TRAF4: variants seen among roughly 807,000 people sequenced by gnomAD.
TRAF4 encodes TNF receptor-associated factor 4.
A neutral mutation model predicts 47.3 loss-of-function variants in TRAF4; 9 were observed. That is an observed-to-expected ratio of 0.19 (90% confidence interval 0.11 to 0.33). TRAF4 has a LOEUF of 0.33. TRAF4 is among the 10% of genes least tolerant of loss of function. The pLI is 1.00. For missense variants in TRAF4, 448 were observed against 620.3 expected (o/e 0.72, Z 2.95); for synonymous variants, 236 against 236.9 (o/e 1.00, Z 0.04).
rs1403539854 is a variant in TRAF4 at position 28,750,445 on chromosome 17, G to A, written c.*868G>A. ...ACTTTACGTGCATTATTATTTCATTGAAAAGAACTGTCAAGTGAAATACTT... is the reference window on the plus strand; with the variant it reads ...ACTTTACGTGCATTATTATTTCATTAAAAAGAACTGTCAAGTGAAATACTT... On this transcript the variant is annotated 3_prime_UTR_variant, in exon 7 of 7. Transcript: ENST00000262395. The A allele has an allele frequency of 6.5e-6, 1 of 152,820 alleles. No homozygotes were observed. Among genetic ancestry groups the A allele is most frequent in the Non-Finnish European group, 1.5e-5 (1 of 68,486 alleles). The allele number at this position is 152,820 out of a possible 1,614,324, so 9.5% of individuals were successfully genotyped here.
intron 6 of TRAF4, 126 bp from the exon 7 acceptor site, chr17:28,748,819 C>T (rs1005148723): frequency 4.1e-6 from 6 of 1,479,664 alleles, no homozygotes; most frequent in African/African-American, 1.4e-5. Context: ...CTCTTCCTAA[C>T]ACCCTCTGTC....
In TRAF4 at chr17:28,750,109, G is replaced by A. The variant is rs1430228993; in HGVS notation, c.*532G>A. ...GCTTCCAGCCTGACTTACCTGGGTT[G>A]GTTAGGTCCCTGGGAGGCTCAACCA... On this transcript the variant is annotated 3_prime_UTR_variant, in exon 7 of 7. Transcript: ENST00000262395. The A allele has an allele frequency of 3.6e-6, 2 of 552,250 alleles. No individual in the cohort carries two copies. The highest frequency in any genetic ancestry group is 2.3e-5 in the South Asian group (1 of 43,092). 34.2% of individuals were successfully genotyped at this position (552,250 alleles called of 1,614,324 possible). A position where few individuals can be genotyped will look rare whatever the true frequency, so the allele number is the denominator to read the frequency against.
Position 28,750,271 on chromosome 17 carries a change from G to C in TRAF4, c.*694G>C, listed in dbSNP as rs1386075540. ...GGGCTTTGTGTGGAAGACGGTCCCT[G>C]CCACTGCCCTCTGCCGATGAAATGC... On this transcript the variant is annotated 3_prime_UTR_variant, in exon 7 of 7. Coordinates refer to ENST00000262395, the MANE Select transcript of TRAF4 (RefSeq NM_004295.4). 1 of 255,888 alleles carries C rather than the reference G, an allele frequency of 3.9e-6. No individual in the cohort carries two copies. The highest frequency in any genetic ancestry group is 7.6e-6 in the Non-Finnish European group (1 of 132,444). 15.9% of individuals were successfully genotyped at this position (255,888 alleles called of 1,614,324 possible). A position where few individuals can be genotyped will look rare whatever the true frequency, so the allele number is the denominator to read the frequency against.
At position 28,749,160 on chromosome 17, in the gene TRAF4, C is replaced by T. The variant is rs556427807; in HGVS notation, c.996C>T (p.Cys332=). ...CCAAGGCCAAGCCCAACCTTGAGTG[C>T]TTCAGCCCAGCCTTCTACACACATA... ...QEAKAKPNLE[C]FSPAFYTHKY... is the part of the protein sequence containing the mutation. The change falls in exon 7 of 7, where the codon TGC becomes TGT. Residue 332 remains cysteine, a synonymous_variant. Transcript: ENST00000262395. 11 of 1,614,110 alleles carry T rather than the reference C, an allele frequency of 6.8e-6. No individual in the cohort carries two copies. The African/African-American group carries it at 1.3e-4, about 20-fold the overall frequency.
rs1200293126 is a variant in TRAF4 at position 28,750,778 on chromosome 17, C to T, written c.*1201C>T. 1 of 152,198 alleles carries T rather than the reference C, an allele frequency of 6.6e-6. No homozygotes were observed. The highest frequency in any genetic ancestry group is 1.5e-5 in the Non-Finnish European group (1 of 68,046). 9.4% of individuals were successfully genotyped at this position (152,198 alleles called of 1,614,324 possible). ...CGCGGGTTCGGACAGGGCCTCGATT[C>T]TGTTTTAAACTCCAGTAGTCCCTAG... is the stretch of plus-strand genomic sequence containing the variant. On this transcript the variant is annotated 3_prime_UTR_variant, in exon 7 of 7. Transcript: ENST00000262395.
chr17:28,747,629 T>C (rs1010988268), intron 2 of TRAF4: 3 of 598,338 alleles, frequency 5.0e-6, no homozygotes, highest in African/African-American at 3.7e-5. Flanking sequence ...TGGCTGCCTC[T>C]TCAAAGGAAG....
At position 28,749,860 on chromosome 17, in the gene TRAF4, C is replaced by G; in HGVS notation, c.*283C>G. ...CAGACATGCCTTGGTGCCGGTCACA[C>G]TCTACACGGACTGAGGTGCCTGCTC... On this transcript the variant is annotated 3_prime_UTR_variant, in exon 7 of 7. Coordinates refer to ENST00000262395, the MANE Select transcript of TRAF4 (RefSeq NM_004295.4). 1.4e-6 allele frequency: 1 copy of G among 705,038 alleles called. No homozygotes were observed. Among genetic ancestry groups the G allele is most frequent in the South Asian group, 1.5e-5 (1 of 67,616 alleles). 43.7% of individuals were successfully genotyped at this position (705,038 alleles called of 1,614,324 possible).
At position 28,749,208 on chromosome 17, in the gene TRAF4, G is replaced by A. The variant is rs1365634701; in HGVS notation, c.1044G>A (p.Val348=). 6.2e-7 allele frequency: 1 copy of A among 1,613,980 alleles called. No homozygotes were observed. The highest frequency in any genetic ancestry group is 1.3e-5 in the African/African-American group (1 of 74,950). Residue 348 remains valine, a synonymous_variant, in exon 7 of 7, where the codon GTG becomes GTA. Coordinates refer to ENST00000262395, the MANE Select transcript of TRAF4 (RefSeq NM_004295.4). The part of the protein sequence containing the change: ...YTHKYGYKLQ[V]SAFLNGNGSG... ...ATAAGTATGGTTACAAGCTGCAGGT[G>A]TCTGCATTCCTCAATGGCAATGGCA...
In TRAF4 at chr17:28,748,548, G is replaced by A. The variant is rs1265380674; in HGVS notation, c.662G>A (p.Cys221Tyr). The A allele has an allele frequency of 6.2e-7, 1 of 1,613,386 alleles. No homozygotes were observed. The highest frequency in any genetic ancestry group is 8.5e-7 in the Non-Finnish European group (1 of 1,179,970). ...QYQCPRLPVACPNQCGVGTVA... is the reference protein window; with the variant it reads ...QYQCPRLPVAYPNQCGVGTVA... ...CAGTGCCCAAGGCTGCCTGTTGCCT[G>A]CCCCAACCAATGTGGTGTGGGCACT... Residue 221 changes from cysteine (C) to tyrosine (Y), a missense_variant, in exon 6 of 7, where the codon TGC becomes TAC. Cys to Tyr is a radical substitution (Grantham distance 194, BLOSUM62 -2). Transcript: ENST00000262395.
Position 28,750,007 on chromosome 17 carries a change from T to TTTA in TRAF4, c.*433_*435dup. 1.6e-6 allele frequency: 1 copy of TTTA among 621,738 alleles called. No homozygotes were observed. The highest frequency in any genetic ancestry group is 1.8e-5 in the South Asian group (1 of 55,822). The allele number at this position is 621,738 out of a possible 1,614,324, so 38.5% of individuals were successfully genotyped here. ...TACCTAGCTGTGCCCCCTCTGGTTA[T>TTTA]TTATTTCCTTAGTGCCAGGAGGGCA... On this transcript the variant is annotated 3_prime_UTR_variant, in exon 7 of 7. Coordinates refer to ENST00000262395, the MANE Select transcript of TRAF4 (RefSeq NM_004295.4).
chr17:28,746,447 A>C (rs2034514274), intron 1 of TRAF4, among the ~76,000 whole-genome samples: 1 of 152,230 alleles, frequency 6.6e-6, no homozygotes, highest in Non-Finnish European at 1.5e-5. Context: ...TCAGAAGCCC[A>C]CTGAGCAGTG....
Position 28,748,269 on chromosome 17 carries a change from A to T in TRAF4, c.470A>T (p.Glu157Val). ...CACCTCTGACATTTCCAGAGCCATGAGGGTATGTGCCCCCAGGAGAGTGTC... is the reference window on the plus strand; with the variant it reads ...CACCTCTGACATTTCCAGAGCCATGTGGGTATGTGCCCCCAGGAGAGTGTC... ...DFSGEAYESH[E>V]GMCPQESVYC... Residue 157 changes from glutamate to valine, a missense_variant, in exon 5 of 7, where the codon GAG becomes GTG. Physicochemically the swap from Glu to Val is moderately radical, Grantham distance 121. Coordinates refer to ENST00000262395, the MANE Select transcript of TRAF4 (RefSeq NM_004295.4). 6.2e-7 allele frequency: 1 copy of T among 1,612,776 alleles called. No homozygotes were observed. The highest frequency in any genetic ancestry group is 8.5e-7 in the Non-Finnish European group (1 of 1,179,030).
At position 28,749,511 on chromosome 17, in the gene TRAF4, C is replaced by G. The variant is rs757216557; in HGVS notation, c.1347C>G (p.Asn449Lys). 7 of 1,613,782 alleles carry G rather than the reference C, an allele frequency of 4.3e-6. No individual in the cohort carries two copies. The African/African-American group carries it at 6.7e-5, about 15-fold the overall frequency. ...FISHQDIRKR[N>K]YVRDDAVFIR... ...CCCACCAGGACATTCGAAAGCGAAA[C>G]TATGTGCGGGATGATGCAGTCTTCA... Residue 449 changes from asparagine to lysine, a missense_variant, in exon 7 of 7, where the codon AAC becomes AAG. Transcript: ENST00000262395.
intron 2 of TRAF4, 129 bp from the exon 3 acceptor site, chr17:28,747,714 G>A (rs1021821744): frequency 9.6e-6 from 8 of 832,146 alleles, no homozygotes; most frequent in Non-Finnish European, 1.5e-5. Context: ...CTGGACTCAA[G>A]AGGGGCAAAG....
Position 28,749,520 on chromosome 17 carries a change from G to C in TRAF4, c.1356G>C (p.Arg452=), listed in dbSNP as rs780127506. 1 of 1,613,818 alleles carries C rather than the reference G, an allele frequency of 6.2e-7. No individual in the cohort carries two copies. The highest frequency in any genetic ancestry group is 8.5e-7 in the Non-Finnish European group (1 of 1,180,040). ...ACATTCGAAAGCGAAACTATGTGCG[G>C]GATGATGCAGTCTTCATCCGTGCTG... ...HQDIRKRNYV[R]DDAVFIRAAV... is the part of the protein sequence containing the mutation. The change falls in exon 7 of 7, where the codon CGG becomes CGC. Residue 452 remains arginine (R), a synonymous_variant. Transcript: ENST00000262395.
At position 28,750,286 on chromosome 17, in the gene TRAF4, C is replaced by A; in HGVS notation, c.*709C>A. On this transcript the variant is annotated 3_prime_UTR_variant, in exon 7 of 7. Transcript: ENST00000262395. ...GACGGTCCCTGCCACTGCCCTCTGCCGATGAAATGCGGGAAGTGTATGGCC... is the reference window on the plus strand; with the variant it reads ...GACGGTCCCTGCCACTGCCCTCTGCAGATGAAATGCGGGAAGTGTATGGCC... 4.4e-6 allele frequency: 1 copy of A among 226,344 alleles called. No individual in the cohort carries two copies. Among genetic ancestry groups the A allele is most frequent in the Non-Finnish European group, 8.8e-6 (1 of 113,958 alleles). 14.0% of individuals were successfully genotyped at this position (226,344 alleles called of 1,614,324 possible).
chr17:28,749,122 C>T lies in TRAF4; in HGVS notation c.958C>T (p.Arg320Trp), dbSNP rs1163272628. 2.5e-6 allele frequency: 4 copies of T among 1,614,072 alleles called. No individual in the cohort carries two copies. The highest frequency in any genetic ancestry group is 1.1e-5 in the South Asian group (1 of 91,088). Residue 320 changes from arginine (R) to tryptophan (W), a missense_variant, in exon 7 of 7, where the codon CGG (arginine) becomes TGG (tryptophan). Coordinates refer to ENST00000262395, the MANE Select transcript of TRAF4 (RefSeq NM_004295.4). ...CTGGAAGATTGGCAGCTATGGACGG[C>T]GGCTACAGGAGGCCAAGGCCAAGCC... is the stretch of plus-strand genomic sequence containing the variant. ...LIWKIGSYGRRLQEAKAKPNL... is the reference protein window; with the variant it reads ...LIWKIGSYGRWLQEAKAKPNL...
At chr17:28,746,411 T>G (rs1038631051) in intron 1 of TRAF4, among the ~76,000 whole-genome samples, 4 of 152,220 alleles carry the variant, frequency 2.6e-5, no homozygotes, top group African/African-American at 4.8e-5. Flanking sequence ...GGCGGGCAGC[T>G]AGCAGGAGGG....
chr17:28,747,175 T>A (rs1331091259), intron 1 of TRAF4, 38 bp from the exon 2 acceptor site: 1 of 1,606,764 alleles, frequency 6.2e-7, no homozygotes, highest in African/African-American at 1.3e-5. Flanking sequence ...CCCTTTCCCC[T>A]AATGAGAAAC....
Sources: gnomAD v4.1 joint callset for allele counts (sites outside exome capture counted in the v4.1 genomes callset) on GRCh38, gnomAD v4.1.1 for gene constraint, MANE v1.5 for transcripts, NCBI Gene and HGNC (gene_info 2026-07-23, HGNC 2026-07-21) for gene names.